Variants in UVSSA observed in about 807,000 individuals in gnomAD.
The protein encoded by UVSSA is UV stimulated scaffold protein A, also known as UV-stimulated scaffold protein A.
In UVSSA, 72 loss-of-function variants were observed where a neutral mutation model predicts 73.9. The observed-to-expected ratio is 0.97, with a 90% CI of 0.81 to 1.19. UVSSA has a LOEUF of 1.19. Among genes scored for constraint, UVSSA ranks in the 50% most tolerant of loss-of-function variants. The probability of loss-of-function intolerance (pLI) is 0.00; values close to 1 mark genes in which losing one functional copy is unlikely to be tolerated. For missense variants in UVSSA, 1,150 were observed against 965.0 expected (o/e 1.19, Z -2.54); for synonymous variants, 454 against 391.3 (o/e 1.16, Z -1.89).
rs1325255338 is a variant in UVSSA, at chr4:1,376,162, T to C, written c.1562T>C (p.Ile521Thr). Residue 521 changes from isoleucine (I) to threonine (T), a missense_variant, in exon 10 of 14, where the codon ATT becomes ACT. Transcript: ENST00000389851. ...CAGGAGCTCCCCACAGCCGGGAAGA[T>C]TGTCAAGTGAGTCCCCATGTGTCTG... ...WGQELPTAGKIVKSDSQHRFW... is the reference protein window; with the variant it reads ...WGQELPTAGKTVKSDSQHRFW... 6.2e-7 allele frequency: 1 copy of C among 1,609,842 alleles called. No homozygotes were observed. Among genetic ancestry groups the C allele is most frequent in the South Asian group, 1.1e-5 (1 of 90,654 alleles).
chr4:1,367,858 C>G (rs1293222352), intron 8 of UVSSA, among the ~76,000 whole-genome samples: 1 of 140,414 alleles, frequency 7.1e-6, no homozygotes, highest in South Asian at 2.5e-4. Context: ...CCCCACCCCA[C>G]ACACACTGTT....
upstream of UVSSA, among the ~76,000 whole-genome samples, chr4:1,344,337 G>A (rs1318366625): frequency 6.6e-6 from 1 of 152,134 alleles, no homozygotes; most frequent in Non-Finnish European, 1.5e-5. Flanking sequence ...GATCACTTGA[G>A]GCCAGGAGTT....
At chr4:1,373,675 A>AATG (rs1415929350) in intron 8 of UVSSA, among the ~76,000 whole-genome samples, 3 of 152,016 alleles carry the variant, frequency 2.0e-5, no homozygotes, top group African/African-American at 7.2e-5. Flanking sequence ...TTGTTTCTTC[A>AATG]ACTGTTTTCT....
At chr4:1,373,077 A>C (rs1044204298) in intron 8 of UVSSA, among the ~76,000 whole-genome samples, 1 of 152,384 alleles carries the variant, frequency 6.6e-6, no homozygotes, top group African/African-American at 2.4e-5. Flanking sequence ...TTAGCTGGCT[A>C]TAAAATCCTG....
In UVSSA at chr4:1,349,731, C is replaced by G. The variant is rs779329130; in HGVS notation, c.306C>G (p.Pro102=). 1 of 1,613,608 alleles carries G rather than the reference C, an allele frequency of 6.2e-7. No homozygotes were observed. Among genetic ancestry groups the G allele is most frequent in the East Asian group, 2.2e-5 (1 of 44,876 alleles). Residue 102 remains proline, a synonymous_variant, in exon 3 of 14, where the codon CCC becomes CCG. Coordinates refer to ENST00000389851, the MANE Select transcript of UVSSA (RefSeq NM_020894.4). ...GTDPAQPLPP[P]REAAQRLRQA... ...ACCCCGCACAGCCTCTGCCGCCCCC[C>G]AGGGAGGCGGCACAGAGGCTGAGGC...
At chr4:1,394,813 C>G (rs764306229) in exon 14 of UVSSA, 1 of 1,515,612 alleles carries the variant, frequency 6.6e-7, no homozygotes, top group Non-Finnish European at 8.9e-7. Context: ...ACACACGTGC[C>G]CATGTGGAGT....
chr4:1,358,709 T>C (rs545010046), intron 7 of UVSSA: 1 of 152,346 alleles, frequency 6.6e-6, no homozygotes, highest in African/African-American at 2.4e-5. Flanking sequence ...ATTAGAGCCA[T>C]TTTAATTAGA....
intron 7 of UVSSA, among the ~76,000 whole-genome samples, chr4:1,362,528 A>G (rs1716791220): frequency 6.6e-6 from 1 of 152,168 alleles, no homozygotes; most frequent in South Asian, 2.1e-4. Context: ...TTCCAAACCT[A>G]ACCTCATTTT....
chr4:1,375,966 G>T, intron 9 of UVSSA, 68 bp from the exon 10 acceptor site: 1 of 1,547,208 alleles, frequency 6.5e-7, no homozygotes, highest in Non-Finnish European at 8.7e-7. Context: ...TGGGGGTGGG[G>T]AGGGAGAGGA....
rs772785894 is a variant in UVSSA, at chr4:1,355,143, T to C, written c.1074T>C (p.Gly358=). The change falls in exon 7 of 14, where the codon GGT becomes GGC. Residue 358 remains glycine, a synonymous_variant. Coordinates refer to ENST00000389851, the MANE Select transcript of UVSSA (RefSeq NM_020894.4). The part of the protein sequence containing the change: ...IQRFTRVGTH[G]GCLKRAIDLK... ...GCTTCACCCGCGTCGGGACCCACGG[T>C]GGATGTTTAAAGCGTGCCATTGACC... 2 of 1,613,452 alleles carry C rather than the reference T, an allele frequency of 1.2e-6. No homozygotes were observed. Among genetic ancestry groups the C allele is most frequent in the Non-Finnish European group, 1.7e-6 (2 of 1,179,884 alleles).
chr4:1,391,508 A>T (rs1720414430), downstream of UVSSA: 1 of 152,190 alleles, frequency 6.6e-6, no homozygotes, highest in Admixed American at 6.5e-5. Flanking sequence ...TTTCTTTCTG[A>T]TGAACAGACC....
In UVSSA at chr4:1,383,788, G is replaced by A; in HGVS notation, c.1884G>A (p.Met628Ile). ...ERPEWQDPEL[M>I]RDVEAATGQD... ...CAGAATGGCAGGACCCTGAGTTGAT[G>A]AGAGACGTGGAAGCAGCCACAGGGC... The change falls in exon 13 of 14, where the codon ATG (methionine) becomes ATA (isoleucine). Residue 628 changes from methionine (M) to isoleucine (I), a missense_variant. Coordinates refer to ENST00000389851, the MANE Select transcript of UVSSA (RefSeq NM_020894.4). 6.2e-7 allele frequency: 1 copy of A among 1,613,502 alleles called. No individual in the cohort carries two copies. The highest frequency in any genetic ancestry group is 8.5e-7 in the Non-Finnish European group (1 of 1,180,008).
downstream of UVSSA, chr4:1,391,404 A>T (rs1577395120): frequency 6.6e-6 from 1 of 152,286 alleles, no homozygotes; most frequent in East Asian, 1.9e-4. Context: ...CTGCCCAGTT[A>T]TATTGATATT....
chr4:1,360,049 T>A (rs187565444), intron 7 of UVSSA, among the ~76,000 whole-genome samples: 1 of 152,308 alleles, frequency 6.6e-6, no homozygotes, highest in East Asian at 1.9e-4. Context: ...AGGAGGGACC[T>A]AAATCAGCGC....
At chr4:1,392,729 C>T (rs1720435504), downstream of UVSSA, 1 of 152,160 alleles carries the variant, frequency 6.6e-6, no homozygotes, top group Non-Finnish European at 1.5e-5. Context: ...ACCTGCAGTT[C>T]TTTGAGCTTC....
At chr4:1,372,908 A>ACTCACCTCCCGCGTCTCAGGG (rs1560469623) in intron 8 of UVSSA, among the ~76,000 whole-genome samples, 7 of 127,744 alleles carry the variant, frequency 5.5e-5, no homozygotes, top group Admixed American at 1.6e-4. Context: ...GCGTCTCTAC[A>ACTCACCTCCCGCGTCTCAGGG]CACTCACTGC....
At chr4:1,355,796 T>C (rs576380980) in intron 7 of UVSSA, among the ~76,000 whole-genome samples, 1 of 152,076 alleles carries the variant, frequency 6.6e-6, no homozygotes, top group African/African-American at 2.4e-5. Context: ...CGCGAGGGGC[T>C]GGAGGCTGGA....
At chr4:1,343,108 G>GT (rs1036963870), upstream of UVSSA, among the ~76,000 whole-genome samples, 1 of 152,120 alleles carries the variant, frequency 6.6e-6, no homozygotes. Flanking sequence ...CTCGGCTGCC[G>GT]TAACAGAAGA....
rs750374608 is a variant in UVSSA, at chr4:1,387,759, A to G, written c.*1798A>G. On this transcript the variant is annotated 3_prime_UTR_variant, in exon 14 of 14. Coordinates refer to ENST00000389851, the MANE Select transcript of UVSSA (RefSeq NM_020894.4). ...GATAATCAGTTGACCAAAAATGTAC[A>G]GGCTTATTTCTGGGCACTTGACTCT... 1.3e-5 allele frequency: 2 copies of G among 152,224 alleles called. No homozygotes were observed. The highest frequency in any genetic ancestry group is 2.9e-5 in the Non-Finnish European group (2 of 68,038). The allele number at this position is 152,224 out of a possible 1,614,324, so 9.4% of individuals were successfully genotyped here. A position where few individuals can be genotyped will look rare whatever the true frequency, so the allele number is the denominator to read the frequency against.
Sources: allele counts gnomAD v4.1 joint callset (sites outside exome capture counted in the v4.1 genomes callset), GRCh38; gene constraint gnomAD v4.1.1; transcripts MANE v1.5; gene names NCBI Gene and HGNC (gene_info 2026-07-23, HGNC 2026-07-21).